CHN2: variants seen among roughly 807,000 people sequenced by gnomAD.
CHN2 encodes chimerin 2.
CHN2 carries 35 observed loss-of-function variants against 56.3 expected under a neutral mutation model. The ratio of observed to expected loss-of-function variants is 0.62; its 90% confidence interval spans 0.47 to 0.82. CHN2 has a LOEUF of 0.82. Among genes scored for constraint, CHN2 ranks in the 40% least tolerant of loss-of-function variants. The pLI, the probability that CHN2 is intolerant of heterozygous loss-of-function variation, is 0.00. For missense variants in CHN2, 491 were observed against 580.5 expected (o/e 0.85, Z 1.58); for synonymous variants, 210 against 212.8 (o/e 0.99, Z 0.12).
rs1554299030 is a variant in CHN2, at chr7:29,473,482, T to TTGTGTGTG, written c.577-6779_577-6772dup. Among the ~76,000 whole-genome samples the TTGTGTGTG allele has an allele frequency of 7.6e-5, 9 of 118,196 alleles. 1 individual carries two copies. Among genetic ancestry groups the TTGTGTGTG allele is most frequent in the Admixed American group, 2.6e-4 (3 of 11,554 alleles). The allele number at this position is 118,196 out of a possible 152,430, so 77.5% of individuals were successfully genotyped here. A position where few individuals can be genotyped will look rare whatever the true frequency, so the allele number is the denominator to read the frequency against. On this transcript the variant is annotated intron_variant, in intron 6 of 12. Coordinates refer to ENST00000222792, the MANE Select transcript of CHN2 (RefSeq NM_004067.4). Reference sequence around the variant, plus strand: ...TGTGTGTGTTTGTGTTTTTTTTTTTTTGTGTGTGTGTGTGTGTGTGTGTGT... The same window carrying TTGTGTGTG: ...TGTGTGTGTTTGTGTTTTTTTTTTTTTGTGTGTGTGTGTGTGTGTGTGTGTGTGTGTGT...
chr7:29,459,828 C>T (rs950483853), intron 6 of CHN2, among the ~76,000 whole-genome samples: 9 of 152,046 alleles, frequency 5.9e-5, no homozygotes, highest in Non-Finnish European at 2.9e-5. Flanking sequence ...AGAAGAAGCC[C>T]GAAAAGCTTG....
At chr7:29,301,164 G>A (rs1793625799) in intron 1 of CHN2, among the ~76,000 whole-genome samples, 1 of 152,110 alleles carries the variant, frequency 6.6e-6, no homozygotes, top group Admixed American at 6.5e-5. Context: ...CTTGTGATAA[G>A]AAAAGCTTTT....
At chr7:29,244,701 A>G (rs1787940892) in intron 1 of CHN2, among the ~76,000 whole-genome samples, 1 of 152,202 alleles carries the variant, frequency 6.6e-6, no homozygotes, top group African/African-American at 2.4e-5. Flanking sequence ...GAGCTTACAG[A>G]TCTTGACTGG....
chr7:29,156,977 A>G (rs983490357), intron 2 of CHN2, among the ~76,000 whole-genome samples: 5 of 152,090 alleles, frequency 3.3e-5, no homozygotes, highest in African/African-American at 1.2e-4. Context: ...TTCGAGCTCA[A>G]TTTTCTTTTT....
chr7:29,420,498 C>A (rs111267795), intron 6 of CHN2, among the ~76,000 whole-genome samples: 37 of 152,286 alleles, frequency 2.4e-4, no homozygotes, highest in African/African-American at 8.7e-4. Flanking sequence ...ACTTTGAGGA[C>A]ATTATGCTAA....
At chr7:29,189,908 A>G (rs2128753026), upstream of CHN2, among the ~76,000 whole-genome samples, 2 of 152,186 alleles carry the variant, frequency 1.3e-5, no homozygotes, top group East Asian at 3.9e-4. Flanking sequence ...GGTCCCCAGC[A>G]GCAGGCGATG....
At chr7:29,339,733 AT>A (rs1436358112) in intron 1 of CHN2, among the ~76,000 whole-genome samples, 1 of 152,054 alleles carries the variant, frequency 6.6e-6, no homozygotes, top group Non-Finnish European at 1.5e-5. Context: ...CGTGCCTGCA[AT>A]CCCAGCTACT....
intron 12 of CHN2, among the ~76,000 whole-genome samples, chr7:29,509,961 C>A (rs1438816703): frequency 6.6e-6 from 1 of 152,164 alleles, no homozygotes; most frequent in African/African-American, 2.4e-5. Flanking sequence ...GGCAGGATCC[C>A]AGGCAGGCTG....
At chr7:29,182,549 T>G (rs555593413) in intron 2 of CHN2, among the ~76,000 whole-genome samples, 1 of 152,368 alleles carries the variant, frequency 6.6e-6, no homozygotes, top group Admixed American at 6.5e-5. Context: ...TTAAGCCTCC[T>G]AGAGTATTTT....
At chr7:29,234,044 G>T (rs1025761991) in intron 1 of CHN2, among the ~76,000 whole-genome samples, 2 of 150,144 alleles carry the variant, frequency 1.3e-5, no homozygotes, top group African/African-American at 2.5e-5. Flanking sequence ...CGTTTTAGCC[G>T]GGATGGTCTC....
intron 1 of CHN2, among the ~76,000 whole-genome samples, chr7:29,300,969 C>T (rs1297957222): frequency 6.6e-6 from 1 of 151,924 alleles, no homozygotes; most frequent in African/African-American, 2.4e-5. Flanking sequence ...GATGAAAATT[C>T]TCAGAAATTG....
At chr7:29,239,063 C>T (rs187798873) in intron 1 of CHN2, among the ~76,000 whole-genome samples, 3 of 152,214 alleles carry the variant, frequency 2.0e-5, no homozygotes, top group East Asian at 1.9e-4. Context: ...TTCATATGAT[C>T]GGTCTGGCCT....
chr7:29,474,501 C>A (rs1170486193), intron 6 of CHN2, among the ~76,000 whole-genome samples: 1 of 152,100 alleles, frequency 6.6e-6, no homozygotes, highest in South Asian at 2.1e-4. Flanking sequence ...CACACAAACA[C>A]CAGTGGGATA....
At chr7:29,307,180 A>G (rs1211273060) in intron 1 of CHN2, among the ~76,000 whole-genome samples, 2 of 152,204 alleles carry the variant, frequency 1.3e-5, no homozygotes, top group Non-Finnish European at 2.9e-5. Context: ...CCAACTTACA[A>G]TCACTTCAGA....
chr7:29,461,220 C>T (rs996786417), intron 6 of CHN2, among the ~76,000 whole-genome samples: 1 of 152,192 alleles, frequency 6.6e-6, no homozygotes, highest in Non-Finnish European at 1.5e-5. Flanking sequence ...ATGTATGCTA[C>T]ACAGCCAGGC....
intron 11 of CHN2, among the ~76,000 whole-genome samples, chr7:29,507,901 G>A (rs771338978): frequency 2.8e-4 from 43 of 152,186 alleles, no homozygotes; most frequent in Non-Finnish European, 6.0e-4. Flanking sequence ...GGGCATGTGC[G>A]GCCCATAGGC....
chr7:29,156,929 G>C (rs537012980), intron 2 of CHN2, among the ~76,000 whole-genome samples: 13 of 152,200 alleles, frequency 8.5e-5, no homozygotes, highest in African/African-American at 3.1e-4. Flanking sequence ...TTTAACACAA[G>C]AAAAGACATC....
intron 1 of CHN2, among the ~76,000 whole-genome samples, chr7:29,238,307 C>T (rs39076): frequency 0.35 from 53,447 of 151,912 alleles, 10,045 homozygotes; most frequent in Admixed American, 0.42. Flanking sequence ...CGTGAGCCAC[C>T]GCACCCGCCC....
At chr7:29,217,591 A>C (rs1329776169) in intron 1 of CHN2, among the ~76,000 whole-genome samples, 6 of 152,288 alleles carry the variant, frequency 3.9e-5, no homozygotes, top group African/African-American at 1.4e-4. Flanking sequence ...GAATCCTAAC[A>C]GCGCTTTTTA....
Sources: allele counts gnomAD v4.1 joint callset (sites outside exome capture counted in the v4.1 genomes callset), GRCh38; gene constraint gnomAD v4.1.1; transcripts MANE v1.5; gene names NCBI Gene and HGNC (gene_info 2026-07-23, HGNC 2026-07-21).